The following RTN4 variants were observed in gnomAD, a reference collection of about 807,000 sequenced individuals.
The protein encoded by RTN4 is reticulon 4, also known as reticulon-4.
Under a neutral mutation model 90.4 loss-of-function variants are expected in RTN4, and 32 were observed. The ratio of observed to expected loss-of-function variants is 0.35; its 90% CI spans 0.27 to 0.48. RTN4 has a LOEUF of 0.48. Ranked by LOEUF, RTN4 falls within the 20% of genes least tolerant of loss-of-function variation. RTN4 has a pLI of 0.99. For missense variants in RTN4, 1,706 were observed against 1,430.2 expected (o/e 1.19, Z -3.11); for synonymous variants, 629 against 552.5 (o/e 1.14, Z -1.94).
At chr2:55,070,719 C>G (rs117958410) in intron 2 of RTN4, among the ~76,000 whole-genome samples, 1 of 151,222 alleles carries the variant, frequency 6.6e-6, no homozygotes, top group Admixed American at 6.6e-5. Context: ...AATCTCCACT[C>G]CTATCAAGGA....
At chr2:55,096,115 A>T (rs1283196695) in intron 1 of RTN4, among the ~76,000 whole-genome samples, 2 of 152,072 alleles carry the variant, frequency 1.3e-5, no homozygotes, top group African/African-American at 4.8e-5. Flanking sequence ...TTACCTGAGG[A>T]CGGGAGTTCA....
intron 2 of RTN4, among the ~76,000 whole-genome samples, chr2:55,064,349 C>CTTTTTTTT (rs70947003): frequency 1.5e-5 from 2 of 133,398 alleles, no homozygotes; most frequent in Non-Finnish European, 3.2e-5. Context: ...CACAAACATT[C>CTTTTTTTT]TTTTTTTTTT....
chr2:55,026,275 TGAA>T lies in RTN4; in HGVS notation c.1821_1823del (p.Ser608del). On this transcript the variant is annotated inframe_deletion, in exon 3 of 9. Coordinates refer to ENST00000337526, the MANE Select transcript of RTN4 (RefSeq NM_020532.5). ...CCATAACAATGTCAGGCAAAACTGG[TGAA>T]GGAGTAGCTTCTGACTCTTCAAATG... 6.2e-7 allele frequency: 1 copy of T among 1,613,956 alleles called. No homozygotes were observed. The highest frequency in any genetic ancestry group is 8.5e-7 in the Non-Finnish European group (1 of 1,179,924).
chr2:55,006,952 C>G (rs1254111417), intron 3 of RTN4, among the ~76,000 whole-genome samples: 1 of 152,078 alleles, frequency 6.6e-6, no homozygotes, highest in African/African-American at 2.4e-5. Flanking sequence ...TAGTATTCAC[C>G]TGCCTCACTC....
At chr2:55,105,758 G>A (rs1667932268) in intron 1 of RTN4, among the ~76,000 whole-genome samples, 2 of 151,990 alleles carry the variant, frequency 1.3e-5, no homozygotes, top group African/African-American at 4.8e-5. Context: ...AAACACTTGT[G>A]ACCAGGGATA....
chr2:55,070,143 G>T (rs989300986), intron 2 of RTN4, among the ~76,000 whole-genome samples: 3 of 152,074 alleles, frequency 2.0e-5, no homozygotes, highest in Non-Finnish European at 4.4e-5. Flanking sequence ...CTATGAGCTG[G>T]ATAGTCTTTG....
chr2:55,080,991 C>G (rs185151675), intron 1 of RTN4, among the ~76,000 whole-genome samples: 2 of 152,136 alleles, frequency 1.3e-5, no homozygotes, highest in Non-Finnish European at 2.9e-5. Context: ...AAAAAATATT[C>G]AGAGCTCTCA....
chr2:54,992,524 G>A (rs970821997), intron 3 of RTN4, among the ~76,000 whole-genome samples: 6 of 152,032 alleles, frequency 3.9e-5, no homozygotes, highest in Admixed American at 6.5e-5. Flanking sequence ...CCCAAAAACC[G>A]AGAACAGGGC....
chr2:55,072,236 CT>C (rs34894930), intron 2 of RTN4, among the ~76,000 whole-genome samples: 123,492 of 145,420 alleles, frequency 0.85, 52,636 homozygotes, highest in Middle Eastern at 0.96. Context: ...CTTTTCTTTT[CT>C]TTTTTTTTTT....
chr2:54,995,036 C>T (rs537317013), intron 3 of RTN4, among the ~76,000 whole-genome samples: 72 of 152,150 alleles, frequency 4.7e-4, no homozygotes, highest in Non-Finnish European at 6.6e-4. Context: ...CCTGAGGTCA[C>T]GAGTTTGAGC....
intron 2 of RTN4, among the ~76,000 whole-genome samples, chr2:55,073,577 T>C (rs928418551): frequency 2.0e-5 from 3 of 152,234 alleles, no homozygotes; most frequent in Non-Finnish European, 2.9e-5. Context: ...AAAATGCTAA[T>C]ATATGACATT....
At chr2:55,050,521 A>T (rs576116660), upstream of RTN4, 5 of 386,456 alleles carry the variant, frequency 1.3e-5, no homozygotes, top group South Asian at 4.4e-4. The surrounding 1 kb of genome is among the most constrained non-coding windows in gnomAD (Gnocchi z 4.6). Flanking sequence ...GCCGCCGCCC[A>T]GATGAGCTAG....
intron 3 of RTN4, among the ~76,000 whole-genome samples, chr2:54,991,803 T>C (rs1445191918): frequency 1.3e-5 from 2 of 152,348 alleles, no homozygotes. Context: ...ATATCTTAAG[T>C]ACCAGACATT....
intron 1 of RTN4, among the ~76,000 whole-genome samples, chr2:55,089,542 C>G (rs574359826): frequency 1.6e-4 from 25 of 152,226 alleles, no homozygotes; most frequent in African/African-American, 5.8e-4. Flanking sequence ...TTATCAATTA[C>G]GGAAAAATCT....
chr2:54,987,344 A>G (rs984336675), intron 4 of RTN4, 147 bp downstream of exon 4: 5 of 647,452 alleles, frequency 7.7e-6, no homozygotes, highest in Non-Finnish European at 1.3e-5. Context: ...TCAAAAGCAG[A>G]TGTTTTTGGT....
intron 1 of RTN4, among the ~76,000 whole-genome samples, chr2:55,097,069 T>C (rs550720388): frequency 6.6e-6 from 1 of 151,614 alleles, no homozygotes; most frequent in Admixed American, 6.6e-5. Context: ...ATGATTTCAA[T>C]AAAGAAAAAA....
intron 1 of RTN4, among the ~76,000 whole-genome samples, chr2:55,035,200 T>C (rs1416591608): frequency 6.6e-6 from 1 of 152,154 alleles, no homozygotes; most frequent in African/African-American, 2.4e-5. Context: ...TATGGAACAC[T>C]ACAACCAACA....
At chr2:55,024,492 A>G (rs1475268344) in intron 3 of RTN4, among the ~76,000 whole-genome samples, 1 of 152,168 alleles carries the variant, frequency 6.6e-6, no homozygotes, top group Non-Finnish European at 1.5e-5. Flanking sequence ...AAATCACCTT[A>G]TGCAAATCAG....
In RTN4 at chr2:55,049,792, G is replaced by C. The variant is rs200650924; in HGVS notation, c.509C>G (p.Pro170Arg). 1.1e-5 allele frequency: 15 copies of C among 1,310,916 alleles called. No homozygotes were observed. The highest frequency in any genetic ancestry group is 3.1e-5 in the African/African-American group (2 of 64,636). 81.2% of individuals were successfully genotyped at this position (1,310,916 alleles called of 1,614,324 possible). The stretch of plus-strand genomic sequence containing the variant: ...GCGCTTGGGCGCGGCCGGGGTGGAG[G>C]GGGGCGCGGCGGGAGCCGGGGCTGG... ...TPPAPAPAAP[P>R]STPAAPKRRG... Residue 170 changes from proline (P) to arginine (R), a missense_variant, in exon 1 of 9, where the codon CCC (proline) becomes CGC (arginine). Transcript: ENST00000337526.
Sources: gnomAD v4.1 joint callset for allele counts (sites outside exome capture counted in the v4.1 genomes callset) on GRCh38, gnomAD v4.1.1 for gene constraint, Gnocchi (gnomAD v3.1) non-coding constraint, MANE v1.5 for transcripts, NCBI Gene and HGNC (gene_info 2026-07-23, HGNC 2026-07-21) for gene names.